Variants in TMEM135 observed in about 807,000 individuals in gnomAD.
TMEM135 encodes the protein transmembrane protein 135.
TMEM135 carries 30 observed loss-of-function variants against 60.3 expected under a neutral mutation model. The observed-to-expected ratio is 0.50, with a 90% CI of 0.37 to 0.68. The LOEUF is 0.68. TMEM135 is among the 30% of genes least tolerant of loss of function. TMEM135 has a pLI of 0.00. For synonymous variants in TMEM135, 190 were observed against 186.7 expected, an observed-to-expected ratio of 1.02 and a Z score of -0.14; for missense variants, 468 against 548.8, an observed-to-expected ratio of 0.85 and a Z score of 1.47.
intron 6 of TMEM135, among the ~76,000 whole-genome samples, chr11:87,275,067 G>A (rs1038975512): frequency 2.0e-5 from 3 of 151,666 alleles, no homozygotes; most frequent in Admixed American, 2.0e-4. Context: ...AGATGCCCTT[G>A]TGTTTATGTT....
chr11:87,131,860 C>A (rs1182376263), intron 4 of TMEM135, among the ~76,000 whole-genome samples: 1 of 152,112 alleles, frequency 6.6e-6, no homozygotes, highest in Admixed American at 6.6e-5. Flanking sequence ...CAACCTCTCC[C>A]CATCGCTTGC....
At chr11:87,276,907 G>A (rs1259543792) in intron 6 of TMEM135, among the ~76,000 whole-genome samples, 7 of 151,564 alleles carry the variant, frequency 4.6e-5, no homozygotes, top group Non-Finnish European at 2.9e-5. Flanking sequence ...CTTGACCTCA[G>A]TTGGTCCGCC....
chr11:87,249,996 T>G (rs2135389988), intron 6 of TMEM135, among the ~76,000 whole-genome samples: 1 of 152,216 alleles, frequency 6.6e-6, no homozygotes, highest in Non-Finnish European at 1.5e-5. Context: ...TTTGATCTAT[T>G]CAGGTTTTGG....
chr11:87,057,058 C>G (rs1157627364), intron 1 of TMEM135, among the ~76,000 whole-genome samples: 1 of 152,134 alleles, frequency 6.6e-6, no homozygotes, highest in South Asian at 2.1e-4. Flanking sequence ...TGTGTGTTTT[C>G]AAGACTTTCC....
At chr11:87,195,530 G>A (rs1453198736) in intron 5 of TMEM135, among the ~76,000 whole-genome samples, 2 of 151,958 alleles carry the variant, frequency 1.3e-5, no homozygotes, top group East Asian at 3.9e-4. Flanking sequence ...GGGTTCAAGC[G>A]GTTCTCCTGC....
intron 6 of TMEM135, among the ~76,000 whole-genome samples, chr11:87,256,516 A>G (rs1036688420): frequency 2.6e-5 from 4 of 152,186 alleles, no homozygotes; most frequent in Non-Finnish European, 5.9e-5. Context: ...TTGGGAATTT[A>G]TGATGAATAT....
intron 5 of TMEM135, among the ~76,000 whole-genome samples, chr11:87,206,576 G>A (rs1940239590): frequency 6.6e-6 from 1 of 151,986 alleles, no homozygotes; most frequent in African/African-American, 2.4e-5. Context: ...ATAACCTGTG[G>A]CAGTGTTGCT....
At chr11:87,236,810 C>T (rs1196511214) in intron 6 of TMEM135, 126 bp downstream of exon 6, 3 of 881,006 alleles carry the variant, frequency 3.4e-6, no homozygotes, top group Admixed American at 2.0e-5. Flanking sequence ...CCCCCGCACC[C>T]CCGCCCAGAG....
intron 6 of TMEM135, chr11:87,258,915 T>G: frequency 1.4e-5 from 19 of 1,312,130 alleles, no homozygotes; most frequent in Non-Finnish European, 2.1e-5. Flanking sequence ...TGTTAGGCCC[T>G]AGAAGTATCT....
At chr11:87,266,079 A>G (rs1941741766) in intron 6 of TMEM135, among the ~76,000 whole-genome samples, 1 of 152,156 alleles carries the variant, frequency 6.6e-6, no homozygotes, top group Non-Finnish European at 1.5e-5. Context: ...AAGCCAATTT[A>G]TATATTATTG....
intron 3 of TMEM135, among the ~76,000 whole-genome samples, chr11:87,081,589 A>G (rs1174546269): frequency 2.0e-5 from 3 of 152,014 alleles, no homozygotes; most frequent in African/African-American, 7.2e-5. Context: ...ATAACTTCTT[A>G]GGGCATAACG....
intron 1 of TMEM135, among the ~76,000 whole-genome samples, chr11:87,062,418 C>CCCG (rs1949957037): frequency 1.3e-4 from 1 of 7,632 alleles, no homozygotes; most frequent in Non-Finnish European, 2.7e-4. Context: ...TCCCCCCAAG[C>CCCG]CCCCCCCCCC....
intron 1 of TMEM135, among the ~76,000 whole-genome samples, chr11:87,044,283 A>G (rs1208488600): frequency 6.6e-6 from 1 of 152,154 alleles, no homozygotes; most frequent in Non-Finnish European, 1.5e-5. Context: ...GATTGAAAAA[A>G]TCAGTTCAGT....
intron 4 of TMEM135, among the ~76,000 whole-genome samples, chr11:87,120,759 A>T (rs770135655): frequency 9.2e-5 from 14 of 152,078 alleles, no homozygotes; most frequent in Admixed American, 1.3e-4. Flanking sequence ...AATTTCATTA[A>T]TTTCTAAATT....
At chr11:87,046,527 A>G (rs1284565855) in intron 1 of TMEM135, among the ~76,000 whole-genome samples, 1 of 152,216 alleles carries the variant, frequency 6.6e-6, no homozygotes, top group Non-Finnish European at 1.5e-5. Context: ...TGGAAAAAAT[A>G]TTTTCAGTGA....
rs568568665 is a variant in TMEM135, at chr11:87,149,861, A to C, written c.397-7480A>C. Among the ~76,000 whole-genome samples, 3 of 152,338 alleles carry C rather than the reference A, an allele frequency of 2.0e-5. No homozygotes were observed. In the East Asian group the frequency reaches 5.8e-4, roughly 29 times the overall value. ...TTGTAAAGTATTTGACCTATTGGAC[A>C]CTGTTGATTACTTCTATAATAGTTT... On this transcript the variant is annotated intron_variant, in intron 4 of 14. Transcript: ENST00000305494.
intron 4 of TMEM135, among the ~76,000 whole-genome samples, chr11:87,143,105 A>T (rs1477653273): frequency 6.6e-6 from 1 of 152,002 alleles, no homozygotes. Flanking sequence ...TGTTGAGCTC[A>T]TCTAGCAAAT....
chr11:87,288,781 C>T (rs1942212757), intron 6 of TMEM135, among the ~76,000 whole-genome samples: 1 of 152,048 alleles, frequency 6.6e-6, no homozygotes, highest in Non-Finnish European at 1.5e-5. Context: ...TTTCACTACA[C>T]CATGCGTTGC....
intron 6 of TMEM135, among the ~76,000 whole-genome samples, chr11:87,240,315 T>C (rs1941102045): frequency 6.6e-6 from 1 of 152,074 alleles, no homozygotes; most frequent in Non-Finnish European, 1.5e-5. Flanking sequence ...CTTATTATTA[T>C]TATGTATGCT....
Sources: gnomAD v4.1 joint callset for allele counts (sites outside exome capture counted in the v4.1 genomes callset) on GRCh38, gnomAD v4.1.1 for gene constraint, MANE v1.5 for transcripts, NCBI Gene and HGNC (gene_info 2026-07-23, HGNC 2026-07-21) for gene names.